Variants in SPTAN1 observed in about 807,000 individuals in gnomAD.
SPTAN1 encodes the protein spectrin alpha, non-erythrocytic 1.
Under a neutral mutation model 331.3 loss-of-function variants are expected in SPTAN1, and 61 were observed. The observed-to-expected ratio is 0.18, with a 90% CI of 0.15 to 0.23. The LOEUF (loss-of-function observed/expected upper bound fraction) is 0.23, where lower values mean the gene tolerates loss of function less well. Ranked by LOEUF, SPTAN1 falls within the 10% of genes least tolerant of loss-of-function variation. The pLI is 1.00. For synonymous variants in SPTAN1, 1,153 were observed against 1,173.9 expected (o/e 0.98, Z 0.36); for missense variants, 2,043 against 3,147.9 (o/e 0.65, Z 8.40).
chr9:128,585,780 C>T lies in SPTAN1; in HGVS notation c.2593C>T (p.Leu865Phe). 6.2e-7 allele frequency: 1 copy of T among 1,614,222 alleles called. No homozygotes were observed. The highest frequency in any genetic ancestry group is 8.5e-7 in the Non-Finnish European group (1 of 1,180,038). The change falls in exon 19 of 57, where the codon CTT becomes TTT. Residue 865 changes from leucine to phenylalanine, a missense_variant. Physicochemically the swap from Leu to Phe is conservative, Grantham distance 22. Transcript: ENST00000372739. Reference sequence around the variant, plus strand: ...TGCTGCAGAGGATGTGAAGGCCAAGCTTCACGAGCTGAACCAAAAGTGGGA... The same window carrying T: ...TGCTGCAGAGGATGTGAAGGCCAAGTTTCACGAGCTGAACCAAAAGTGGGA... ...HFAAEDVKAK[L>F]HELNQKWEAL...
chr9:128,582,372 G>T, intron 12 of SPTAN1, 107 bp from the exon 13 acceptor site: 1 of 985,354 alleles, frequency 1.0e-6, no homozygotes, highest in Non-Finnish European at 1.6e-6. Context: ...CTTGACCTAT[G>T]TTAAAGTTTG....
chr9:128,620,764 G>A (rs1253110207), intron 44 of SPTAN1, among the ~76,000 whole-genome samples: 3 of 152,108 alleles, frequency 2.0e-5, no homozygotes, highest in Non-Finnish European at 4.4e-5. Context: ...TTTCTGAGAT[G>A]TGTTCAAGTT....
At chr9:128,586,350 T>C (rs1167662790) in intron 19 of SPTAN1, among the ~76,000 whole-genome samples, 1 of 151,778 alleles carries the variant, frequency 6.6e-6, no homozygotes, top group East Asian at 1.9e-4. Context: ...CCCATCTGGT[T>C]TCAAACTCCT....
intron 41 of SPTAN1, among the ~76,000 whole-genome samples, chr9:128,616,706 G>A (rs547447240): frequency 6.6e-6 from 1 of 151,792 alleles, no homozygotes; most frequent in African/African-American, 2.4e-5. Flanking sequence ...GGCGGAGGTT[G>A]CAATGAGCCA....
At chr9:128,591,894 G>T (rs570278215) in intron 22 of SPTAN1, among the ~76,000 whole-genome samples, 11 of 152,220 alleles carry the variant, frequency 7.2e-5, no homozygotes, top group African/African-American at 2.6e-4. Flanking sequence ...CTTTTGGTTC[G>T]AGATGCTTTT....
chr9:128,583,868 G>A lies in SPTAN1; in HGVS notation c.2092G>A (p.Glu698Lys). Residue 698 changes from glutamate to lysine, a missense_variant, in exon 16 of 57, where the codon GAA becomes AAA. Physicochemically the swap from Glu to Lys is moderately conservative, Grantham distance 56. This residue lies in a region of SPTAN1 where 1,038 missense variants were observed against 1,531.5 expected (regional missense o/e 0.68). Transcript: ENST00000372739. ...EDIELWLYEV[E>K]GHLASDDYGK... ...TATTGAATTGTGGCTATATGAAGTA[G>A]AAGGTCACTTGGCTTCGGATGATTA... 6.2e-7 allele frequency: 1 copy of A among 1,614,244 alleles called. No homozygotes were observed. Among genetic ancestry groups the A allele is most frequent in the South Asian group, 1.1e-5 (1 of 91,086 alleles).
chr9:128,560,463 C>T (rs931919451), intron 1 of SPTAN1, among the ~76,000 whole-genome samples: 1 of 151,224 alleles, frequency 6.6e-6, no homozygotes. Context: ...TCACTGCAAA[C>T]TCCGCCTCCC....
intron 4 of SPTAN1, among the ~76,000 whole-genome samples, 168 bp downstream of exon 4, chr9:128,574,983 T>TGAG (rs1851148548): frequency 6.9e-6 from 1 of 145,162 alleles, no homozygotes; most frequent in African/African-American, 2.4e-5. Flanking sequence ...TATGTGCTAT[T>TGAG]CTGTAACTCT....
chr9:128,592,505 C>T (rs1468399198), intron 22 of SPTAN1, among the ~76,000 whole-genome samples: 1 of 152,176 alleles, frequency 6.6e-6, no homozygotes, highest in Non-Finnish European at 1.5e-5. Flanking sequence ...AAACTCCTGA[C>T]CTCGTGATCC....
At position 128,584,244 on chromosome 9, in the gene SPTAN1, C is replaced by T. The variant is rs1852291543; in HGVS notation, c.2194-38C>T. ...TTTCTCTGTATACGATAAAACCACA[C>T]CCAAAGTAAAGTCTGCTCTGTCCTT... On this transcript the variant is annotated intron_variant, in intron 16 of 56. Transcript: ENST00000372739. The T allele has an allele frequency of 1.9e-6, 3 of 1,613,808 alleles. No homozygotes were observed. The South Asian group carries it at 3.3e-5, about 18-fold the overall frequency.
chr9:128,590,493 C>T (rs1853325109), intron 21 of SPTAN1, among the ~76,000 whole-genome samples: 1 of 146,928 alleles, frequency 6.8e-6, no homozygotes, highest in Non-Finnish European at 1.5e-5. Flanking sequence ...CGCTTGAGCC[C>T]AGGAGTTCGA....
chr9:128,627,795 CTG>C lies in SPTAN1; in HGVS notation c.6690-127_6690-126del. ...GACTTGGTGACAGACGATGCAGGGT[CTG>C]TGCGTTGGGTACTGATGTTCTTGCT... On this transcript the variant is annotated intron_variant, in intron 50 of 56. Transcript: ENST00000372739. The surrounding 1 kb of genome is among the most constrained non-coding windows in gnomAD (Gnocchi z 4.9). The C allele has an allele frequency of 8.5e-7, 1 of 1,179,622 alleles. No individual in the cohort carries two copies. Among genetic ancestry groups the C allele is most frequent in the South Asian group, 1.2e-5 (1 of 81,970 alleles). The allele number at this position is 1,179,622 out of a possible 1,614,324, so 73.1% of individuals were successfully genotyped here. A position where few individuals can be genotyped will look rare whatever the true frequency, so the allele number is the denominator to read the frequency against.
intron 1 of SPTAN1, among the ~76,000 whole-genome samples, chr9:128,559,616 C>A (rs1384110659): frequency 1.3e-5 from 2 of 152,060 alleles, no homozygotes; most frequent in African/African-American, 4.8e-5. Flanking sequence ...AAATTAGATG[C>A]ATAATTTCTC....
At position 128,633,466 on chromosome 9, in the gene SPTAN1, T is replaced by C. The variant is rs1589424402; in HGVS notation, c.*132T>C. 1.5e-5 allele frequency: 22 copies of C among 1,495,828 alleles called. No homozygotes were observed. The highest frequency in any genetic ancestry group is 2.2e-4 in the Middle Eastern group (1 of 4,560). The allele number at this position is 1,495,828 out of a possible 1,614,324, so 92.7% of individuals were successfully genotyped here. ...GCTTGGAATAAGACTTAGGAGAAAATGGTGCTTCACTAACCCGCTTCCGGT... is the reference window on the plus strand; with the variant it reads ...GCTTGGAATAAGACTTAGGAGAAAACGGTGCTTCACTAACCCGCTTCCGGT... On this transcript the variant is annotated 3_prime_UTR_variant, in exon 57 of 57. Transcript: ENST00000372739.
intron 1 of SPTAN1, among the ~76,000 whole-genome samples, chr9:128,558,156 C>T (rs1034508368): frequency 6.6e-6 from 1 of 152,146 alleles, no homozygotes; most frequent in Non-Finnish European, 1.5e-5. Flanking sequence ...ACTCTTCTTC[C>T]GAGATCTGGT....
At chr9:128,612,700 C>CAGAT (rs1185079896) in intron 39 of SPTAN1, among the ~76,000 whole-genome samples, 2 of 152,136 alleles carry the variant, frequency 1.3e-5, no homozygotes, top group African/African-American at 4.8e-5. Flanking sequence ...CCGAGGCAGG[C>CAGAT]AGATCACTTG....
At chr9:128,561,327 G>A (rs1472784639) in intron 1 of SPTAN1, among the ~76,000 whole-genome samples, 3 of 140,346 alleles carry the variant, frequency 2.1e-5, no homozygotes, top group African/African-American at 5.3e-5. Context: ...AGTCAAGATC[G>A]CACCACTGCA....
chr9:128,608,726 C>T lies in SPTAN1; in HGVS notation c.4492-148C>T, dbSNP rs983192474. 1.7e-5 allele frequency: 14 copies of T among 822,918 alleles called. No individual in the cohort carries two copies. In the African/African-American group the frequency reaches 2.0e-4, roughly 12 times the overall value. The allele number at this position is 822,918 out of a possible 1,614,324, so 51.0% of individuals were successfully genotyped here. ...TCAAGCTTTCTTTTGGCATTTTACA[C>T]TCTTGCTTCTAAAGTGTCAGTGTAT... On this transcript the variant is annotated intron_variant, in intron 34 of 56. Transcript: ENST00000372739.
intron 40 of SPTAN1, among the ~76,000 whole-genome samples, chr9:128,614,403 G>A (rs1463572441): frequency 6.6e-6 from 1 of 151,998 alleles, no homozygotes; most frequent in African/African-American, 2.4e-5. Flanking sequence ...ACCAGCTTGG[G>A]TAACACAGTG....
Sources: allele counts gnomAD v4.1 joint callset (sites outside exome capture counted in the v4.1 genomes callset), GRCh38; gene constraint gnomAD v4.1.1; regional missense constraint gnomAD v4.1.1; non-coding constraint Gnocchi (gnomAD v3.1); transcripts MANE v1.5; gene names NCBI Gene and HGNC (gene_info 2026-07-23, HGNC 2026-07-21).